Variants in COL1A2 observed in about 807,000 individuals in gnomAD.
The protein encoded by COL1A2 is collagen type I alpha 2 chain, also known as collagen alpha-2(I) chain.
A neutral mutation model predicts 174.3 loss-of-function variants in COL1A2; 49 were observed. The observed-to-expected ratio is 0.28, with a 90% CI of 0.22 to 0.36. The LOEUF is 0.36. COL1A2 is among the 10% of genes least tolerant of loss of function. The probability of loss-of-function intolerance (pLI) is 1.00; values close to 1 mark genes in which losing one functional copy is unlikely to be tolerated. For missense variants in COL1A2, 1,438 were observed against 1,822.7 expected (o/e 0.79, Z 3.84); for synonymous variants, 655 against 606.6 (o/e 1.08, Z -1.17).
chr7:94,401,584 T>C lies in COL1A2; in HGVS notation c.243T>C (p.Tyr81=). ...TTCTCTAGAACTTTGCTGCTCAGTATGATGGAAAAGGAGTTGGACTTGGCC... is the reference window on the plus strand; with the variant it reads ...TTCTCTAGAACTTTGCTGCTCAGTACGATGGAAAAGGAGTTGGACTTGGCC... ...PGLGGNFAAQ[Y]DGKGVGLGPG... Residue 81 remains tyrosine, a synonymous_variant, in exon 6 of 52, where the codon TAT becomes TAC. Coordinates refer to ENST00000297268, the MANE Select transcript of COL1A2 (RefSeq NM_000089.4). 1 of 1,561,136 alleles carries C rather than the reference T, an allele frequency of 6.4e-7. No homozygotes were observed. Among genetic ancestry groups the C allele is most frequent in the South Asian group, 1.2e-5 (1 of 82,664 alleles).
chr7:94,426,280 A>G (rs1168828432), intron 45 of COL1A2, 143 bp from the exon 46 acceptor site: 2 of 869,324 alleles, frequency 2.3e-6, no homozygotes, highest in Non-Finnish European at 3.8e-6. Flanking sequence ...CAACTAAAGC[A>G]GATTACCAGC....
At chr7:94,399,182 C>G in intron 4 of COL1A2, 98 bp downstream of exon 4, 1 of 1,128,464 alleles carries the variant, frequency 8.9e-7, no homozygotes, top group South Asian at 1.3e-5. Context: ...TATTATGTAT[C>G]CAGATAATTG....
intron 31 of COL1A2, chr7:94,417,454 C>G: frequency 2.1e-6 from 1 of 471,740 alleles, no homozygotes; most frequent in Non-Finnish European, 3.9e-6. Flanking sequence ...ATCCTCTTCT[C>G]CATGCCTGCC....
intron 15 of COL1A2, 106 bp from the exon 16 acceptor site, chr7:94,408,664 A>T: frequency 8.1e-7 from 1 of 1,239,858 alleles, no homozygotes; most frequent in East Asian, 2.4e-5. Context: ...CTTTACTAAT[A>T]TAAACAGTGT....
Position 94,430,441 on chromosome 7 carries a change from T to C in COL1A2, c.*48T>C. On this transcript the variant is annotated 3_prime_UTR_variant, in exon 52 of 52. Transcript: ENST00000297268. ...AAGAAAGAAATTTGAAAAAACTTTCTCTTTGCCATTTCTTCTTCTTCTTTT... is the reference window on the plus strand; with the variant it reads ...AAGAAAGAAATTTGAAAAAACTTTCCCTTTGCCATTTCTTCTTCTTCTTTT... The C allele has an allele frequency of 6.3e-7, 1 of 1,587,298 alleles. No individual in the cohort carries two copies. Among genetic ancestry groups the C allele is most frequent in the East Asian group, 2.2e-5 (1 of 44,752 alleles).
intron 3 of COL1A2, among the ~76,000 whole-genome samples, 171 bp downstream of exon 3, chr7:94,398,567 TTTAA>T (rs1301339762): frequency 6.6e-6 from 1 of 151,986 alleles, no homozygotes; most frequent in African/African-American, 2.4e-5. Flanking sequence ...GATAACAAAG[TTTAA>T]TTATCTTCTG....
chr7:94,419,562 A>G lies in COL1A2; in HGVS notation c.2079+11A>G, dbSNP rs772095413. ...GCCACAGGTGACCGGGTAAGCATGCATTTTCACTAAGCCAACAGCAATATC... is the reference window on the plus strand; with the variant it reads ...GCCACAGGTGACCGGGTAAGCATGCGTTTTCACTAAGCCAACAGCAATATC... On this transcript the variant is annotated intron_variant, in intron 34 of 51. Transcript: ENST00000297268. 6 of 1,613,940 alleles carry G rather than the reference A, an allele frequency of 3.7e-6. No individual in the cohort carries two copies. The highest frequency in any genetic ancestry group is 5.1e-6 in the Non-Finnish European group (6 of 1,179,958).
Position 94,409,411 on chromosome 7 carries a change from T to A in COL1A2, c.882T>A (p.Val294=). The A allele has an allele frequency of 6.2e-7, 1 of 1,614,214 alleles. No homozygotes were observed. Among genetic ancestry groups the A allele is most frequent in the Non-Finnish European group, 8.5e-7 (1 of 1,180,030 alleles). ...EVGLPGLSGP[V]GPPGNPGANG... ...GTCTTCCAGGCCTCTCCGGCCCCGT[T>A]GGACCTCCTGTAAGTAGCCACTGTC... is the stretch of plus-strand genomic sequence containing the variant. Residue 294 remains valine, a synonymous_variant, in exon 17 of 52, where the codon GTT becomes GTA. Transcript: ENST00000297268.
At position 94,410,543 on chromosome 7, in the gene COL1A2, T is replaced by G; in HGVS notation, c.1197+16T>G. 6.5e-7 allele frequency: 1 copy of G among 1,536,334 alleles called. No homozygotes were observed. The highest frequency in any genetic ancestry group is 8.8e-7 in the Non-Finnish European group (1 of 1,134,896). ...TGGGCTGAGAGTAGGTTTCAAATGCTCCCAACACCCTAACACACCAGAGGC... is the reference window on the plus strand; with the variant it reads ...TGGGCTGAGAGTAGGTTTCAAATGCGCCCAACACCCTAACACACCAGAGGC... On this transcript the variant is annotated intron_variant, in intron 21 of 51. Coordinates refer to ENST00000297268, the MANE Select transcript of COL1A2 (RefSeq NM_000089.4).
chr7:94,395,352 C>T (rs1791562016), intron 1 of COL1A2: 7 of 549,830 alleles, frequency 1.3e-5, no homozygotes, highest in Admixed American at 7.3e-5. Context: ...CTCGGTCTGG[C>T]TCCTCAGCTT....
chr7:94,409,602 T>C lies in COL1A2; in HGVS notation c.930T>C (p.Gly310=), dbSNP rs1182035513. 2 of 1,614,132 alleles carry C rather than the reference T, an allele frequency of 1.2e-6. No individual in the cohort carries two copies. The highest frequency in any genetic ancestry group is 1.1e-5 in the South Asian group (1 of 91,086). Reference sequence around the variant, plus strand: ...CAAACGGCCTTACTGGTGCCAAGGGTGCTGCTGTGAGTATACCTGCGTAGC... The same window carrying C: ...CAAACGGCCTTACTGGTGCCAAGGGCGCTGCTGTGAGTATACCTGCGTAGC... ...PGANGLTGAK[G]AAGLPGVAGA... Residue 310 remains glycine (G), a synonymous_variant, in exon 18 of 52, where the codon GGT becomes GGC. Coordinates refer to ENST00000297268, the MANE Select transcript of COL1A2 (RefSeq NM_000089.4).
At position 94,427,616 on chromosome 7, in the gene COL1A2, C is replaced by T. The variant is rs1792306656; in HGVS notation, c.3268-11C>T. The T allele has an allele frequency of 1.9e-6, 3 of 1,613,958 alleles. No homozygotes were observed. The highest frequency in any genetic ancestry group is 1.1e-5 in the South Asian group (1 of 91,084). On this transcript the variant is annotated splice_polypyrimidine_tract_variant and intron_variant, in intron 48 of 51. Coordinates refer to ENST00000297268, the MANE Select transcript of COL1A2 (RefSeq NM_000089.4). ...TATAAAGCCTCTCCTATCTCACTTT[C>T]ACCTTTGCAGGGCCCCCCTGGTCCC...
intron 12 of COL1A2, among the ~76,000 whole-genome samples, chr7:94,407,248 G>C (rs1188444308): frequency 1.6e-4 from 24 of 152,078 alleles, no homozygotes; most frequent in Non-Finnish European, 1.3e-4. Context: ...GGAAATTAAG[G>C]GTCCTTATGA....
chr7:94,427,344 T>C (rs1792300436), intron 48 of COL1A2, 49 bp downstream of exon 48: 9 of 1,510,390 alleles, frequency 6.0e-6, no homozygotes, highest in South Asian at 5.9e-5. Context: ...ACCTAAGGAA[T>C]GTTTTCTTCA....
rs746504964 is a variant in COL1A2 at position 94,425,641 on chromosome 7, G to A, written c.2813G>A (p.Arg938His). 1.7e-5 allele frequency: 28 copies of A among 1,613,988 alleles called. No individual in the cohort carries two copies. The highest frequency in any genetic ancestry group is 1.3e-4 in the Admixed American group (8 of 60,006). The change falls in exon 43 of 52, where the codon CGC becomes CAC. Residue 938 changes from arginine (R) to histidine (H), a missense_variant. Physicochemically the swap from Arg to His is conservative, Grantham distance 29 (BLOSUM62 0). Around this residue, in one of 3 missense-constraint regions of COL1A2, gnomAD observed 867 missense variants for 1,213.7 expected, o/e 0.71. Coordinates refer to ENST00000297268, the MANE Select transcript of COL1A2 (RefSeq NM_000089.4). ...GNPGNDGPPGRDGQPGHKGER... is the reference protein window; with the variant it reads ...GNPGNDGPPGHDGQPGHKGER... Reference sequence around the variant, plus strand: ...CCTGGGAACGATGGTCCCCCAGGTCGCGATGGTCAACCCGGACACAAGGTC... The same window carrying A: ...CCTGGGAACGATGGTCCCCCAGGTCACGATGGTCAACCCGGACACAAGGTC...
intron 38 of COL1A2, 123 bp downstream of exon 38, chr7:94,421,185 A>G (rs1792153637): frequency 1.1e-6 from 1 of 950,722 alleles, no homozygotes; most frequent in South Asian, 1.4e-5. Flanking sequence ...ATTCAAGTTC[A>G]TTCTATTCAG....
intron 3 of COL1A2, among the ~76,000 whole-genome samples, chr7:94,398,740 T>G (rs1205351808): frequency 1.3e-5 from 2 of 152,096 alleles, no homozygotes; most frequent in Non-Finnish European, 2.9e-5. Flanking sequence ...ATAAATGTGC[T>G]GTTAAAAATG....
chr7:94,410,595 T>C lies in COL1A2; in HGVS notation c.1197+68T>C, dbSNP rs529308470. ...GATTATGATACCCCTTCACTGGGAA[T>C]TGGTCAAAATTACTGACTGTGTTTT... On this transcript the variant is annotated intron_variant, in intron 21 of 51. Coordinates refer to ENST00000297268, the MANE Select transcript of COL1A2 (RefSeq NM_000089.4). 6.1e-6 allele frequency: 8 copies of C among 1,308,024 alleles called. No homozygotes were observed. The South Asian group carries it at 8.9e-5, about 15-fold the overall frequency. The allele number at this position is 1,308,024 out of a possible 1,614,324, so 81.0% of individuals were successfully genotyped here.
At position 94,427,610 on chromosome 7, in the gene COL1A2, C is replaced by T; in HGVS notation, c.3268-17C>T. 1.9e-6 allele frequency: 3 copies of T among 1,613,954 alleles called. No homozygotes were observed. Among genetic ancestry groups the T allele is most frequent in the Non-Finnish European group, 2.5e-6 (3 of 1,179,936 alleles). On this transcript the variant is annotated splice_polypyrimidine_tract_variant and intron_variant, in intron 48 of 51. Coordinates refer to ENST00000297268, the MANE Select transcript of COL1A2 (RefSeq NM_000089.4). ...ACAAAATATAAAGCCTCTCCTATCTCACTTTCACCTTTGCAGGGCCCCCCT... is the reference window on the plus strand; with the variant it reads ...ACAAAATATAAAGCCTCTCCTATCTTACTTTCACCTTTGCAGGGCCCCCCT...
Sources: gnomAD v4.1 joint callset for allele counts (sites outside exome capture counted in the v4.1 genomes callset) on GRCh38, gnomAD v4.1.1 for gene constraint, gnomAD v4.1.1 regional missense constraint, MANE v1.5 for transcripts, NCBI Gene and HGNC (gene_info 2026-07-23, HGNC 2026-07-21) for gene names.